The following LHFPL6 variants were observed in gnomAD, a reference collection of about 807,000 sequenced individuals.
LHFPL6 encodes LHFPL tetraspan subfamily member 6 protein.
Under a neutral mutation model 20.6 loss-of-function variants are expected in LHFPL6, and 9 were observed. The ratio of observed to expected loss-of-function variants is 0.44; its 90% CI spans 0.26 to 0.76. The LOEUF is 0.76. LHFPL6 is among the 30% of genes least tolerant of loss of function. The probability of loss-of-function intolerance (pLI) is 0.20; values close to 1 mark genes in which losing one functional copy is unlikely to be tolerated. For missense variants in LHFPL6, 218 were observed against 253.5 expected, an observed-to-expected ratio of 0.86 and a Z score of 0.95; for synonymous variants, 105 against 98.7, an observed-to-expected ratio of 1.06 and a Z score of -0.38.
chr13:39,378,812 T>A (rs1398433632), intron 2 of LHFPL6, among the ~76,000 whole-genome samples: 5 of 152,238 alleles, frequency 3.3e-5, no homozygotes, highest in Admixed American at 6.5e-5. Flanking sequence ...AGAAGCTTTT[T>A]AAATCATTCT....
chr13:39,397,906 T>TTGTGTG (rs146494686), intron 2 of LHFPL6, among the ~76,000 whole-genome samples: 1 of 149,880 alleles, frequency 6.7e-6, no homozygotes, highest in South Asian at 2.1e-4. Context: ...AAGTCAGACT[T>TTGTGTG]TGTGTGTGTG....
intron 2 of LHFPL6, among the ~76,000 whole-genome samples, chr13:39,413,116 C>T (rs776496877): frequency 4.6e-5 from 7 of 152,024 alleles, no homozygotes; most frequent in South Asian, 2.1e-4. Context: ...CAAAGTAGTA[C>T]AATATATGCA....
chr13:39,518,091 CCCCCTGCTTCGATGGCTT>C (rs1341835468), intron 2 of LHFPL6, among the ~76,000 whole-genome samples: 1 of 152,262 alleles, frequency 6.6e-6, no homozygotes, highest in Admixed American at 6.5e-5. Flanking sequence ...CATCAGGTCA[CCCCCTGCTTCGATGGCTT>C]CCCCTGCTTT....
At chr13:39,450,371 A>T (rs1391301805) in intron 2 of LHFPL6, among the ~76,000 whole-genome samples, 1 of 152,198 alleles carries the variant, frequency 6.6e-6, no homozygotes, top group Non-Finnish European at 1.5e-5. Flanking sequence ...GTTGATGTTC[A>T]TTCTGATGTC....
At chr13:39,499,300 G>C (rs1249452402) in intron 2 of LHFPL6, among the ~76,000 whole-genome samples, 3 of 152,198 alleles carry the variant, frequency 2.0e-5, no homozygotes, top group Admixed American at 2.0e-4. Context: ...TTTGTTTACA[G>C]TGATGGTCAA....
chr13:39,476,095 T>G (rs562928294), intron 2 of LHFPL6, among the ~76,000 whole-genome samples: 63 of 152,260 alleles, frequency 4.1e-4, no homozygotes, highest in Non-Finnish European at 8.1e-4. Context: ...TTACTATTTC[T>G]ATAAAAACAC....
rs373847084 is a variant in LHFPL6 at position 39,476,029 on chromosome 13, T to C, written c.386-97503A>G. 1.8e-4 allele frequency among the ~76,000 whole-genome samples: 28 copies of C among 152,354 alleles called. No individual in the cohort carries two copies. The South Asian group carries it at 5.6e-3, about 30-fold the overall frequency. On this transcript the variant is annotated intron_variant, in intron 2 of 3. Transcript: ENST00000379589. Reference sequence around the variant, plus strand: ...CTGACTATATATTAGCAGTAATTTTTTTTGTTATTTCAGGTGAACTAAAAG... The same window carrying C: ...CTGACTATATATTAGCAGTAATTTTCTTTGTTATTTCAGGTGAACTAAAAG...
chr13:39,571,273 C>T (rs554319003), intron 2 of LHFPL6, among the ~76,000 whole-genome samples: 59 of 152,334 alleles, frequency 3.9e-4, no homozygotes, highest in Non-Finnish European at 7.8e-4. Context: ...AGATTGAGAA[C>T]TTGTCTTCCT....
intron 2 of LHFPL6, among the ~76,000 whole-genome samples, chr13:39,471,419 C>T (rs546317061): frequency 2.6e-4 from 39 of 152,284 alleles, no homozygotes; most frequent in African/African-American, 9.1e-4. Context: ...GTTTTAGGTA[C>T]CATGATAAGC....
At chr13:39,522,445 T>C (rs1237125138) in intron 2 of LHFPL6, among the ~76,000 whole-genome samples, 2 of 152,180 alleles carry the variant, frequency 1.3e-5, no homozygotes, top group Non-Finnish European at 2.9e-5. Context: ...TCCAATATTA[T>C]TGTGTACTGC....
At chr13:39,389,339 T>C (rs1009817573) in intron 2 of LHFPL6, among the ~76,000 whole-genome samples, 16 of 152,184 alleles carry the variant, frequency 1.1e-4, no homozygotes, top group Admixed American at 2.6e-4. Flanking sequence ...TCCCAGCGAA[T>C]GTACCTTCTC....
chr13:39,553,355 T>A (rs555836784), intron 2 of LHFPL6, among the ~76,000 whole-genome samples: 1 of 152,276 alleles, frequency 6.6e-6, no homozygotes, highest in East Asian at 1.9e-4. Context: ...GCTTTGAAAC[T>A]TCCTTTGGCC....
chr13:39,430,715 T>C (rs988142316), intron 2 of LHFPL6, among the ~76,000 whole-genome samples: 1 of 152,150 alleles, frequency 6.6e-6, no homozygotes, highest in Admixed American at 6.5e-5. Context: ...AACACATCAA[T>C]CGGCACTCTG....
At chr13:39,386,991 G>A (rs9594331) in intron 2 of LHFPL6, among the ~76,000 whole-genome samples, 16,236 of 152,074 alleles carry the variant, frequency 0.11, 962 homozygotes, top group African/African-American at 0.17. Context: ...TCCCAGCAGC[G>A]AGCTATAGGT....
At chr13:39,410,716 C>A (rs1871224415) in intron 2 of LHFPL6, among the ~76,000 whole-genome samples, 1 of 152,176 alleles carries the variant, frequency 6.6e-6, no homozygotes, top group South Asian at 2.1e-4. Flanking sequence ...CAAAACCTCC[C>A]AGAGGACACC....
chr13:39,599,859 A>G (rs1249936193), intron 2 of LHFPL6, among the ~76,000 whole-genome samples: 1 of 152,220 alleles, frequency 6.6e-6, no homozygotes, highest in Non-Finnish European at 1.5e-5. Context: ...GTAAGAAAAC[A>G]CCAAATGAGG....
intron 2 of LHFPL6, among the ~76,000 whole-genome samples, chr13:39,473,373 G>T (rs529312229): frequency 6.0e-5 from 9 of 150,390 alleles, no homozygotes; most frequent in Admixed American, 2.0e-4. Flanking sequence ...AATACATTTT[G>T]TGTTTACTAG....
rs187379293 is a variant in LHFPL6 at position 39,441,000 on chromosome 13, C to T, written c.386-62474G>A. Among the ~76,000 whole-genome samples the T allele has an allele frequency of 1.1e-3, 170 of 152,108 alleles. 1 individual carries two copies. The highest frequency in any genetic ancestry group is 6.8e-3 in the Middle Eastern group (2 of 294). ...TTGTGAGGCCTCCCCCCCAGCCATG[C>T]GAAACTGTAAGTCCAATAAACCTCT... On this transcript the variant is annotated intron_variant, in intron 2 of 3. Transcript: ENST00000379589.
At chr13:39,368,425 T>C (rs1171980550) in intron 3 of LHFPL6, among the ~76,000 whole-genome samples, 2 of 151,760 alleles carry the variant, frequency 1.3e-5, no homozygotes, top group Non-Finnish European at 2.9e-5. Context: ...CTATTAAAAA[T>C]ACAAAAATTA....
Sources: allele counts gnomAD v4.1 joint callset (sites outside exome capture counted in the v4.1 genomes callset), GRCh38; gene constraint gnomAD v4.1.1; transcripts MANE v1.5; gene names NCBI Gene and HGNC (gene_info 2026-07-23, HGNC 2026-07-21).